Variants in PRKAG2 observed in about 807,000 individuals in gnomAD.
The protein encoded by PRKAG2 is protein kinase AMP-activated non-catalytic subunit gamma 2.
PRKAG2 carries 26 observed loss-of-function variants against 69.6 expected under a neutral mutation model. The observed-to-expected ratio is 0.37, with a 90% CI of 0.27 to 0.52. The LOEUF is 0.52. Among genes scored for constraint, PRKAG2 ranks in the 20% least tolerant of loss-of-function variants. The pLI is 0.90. For missense variants in PRKAG2, 557 were observed against 740.0 expected, an observed-to-expected ratio of 0.75 and a Z score of 2.87; for synonymous variants, 293 against 285.0, an observed-to-expected ratio of 1.03 and a Z score of -0.28.
At chr7:151,671,649 G>A (rs1362242962) in intron 4 of PRKAG2, among the ~76,000 whole-genome samples, 1 of 152,262 alleles carries the variant, frequency 6.6e-6, no homozygotes, top group East Asian at 1.9e-4. Flanking sequence ...CCTGGTACCT[G>A]TGACTGCAAC....
chr7:151,698,141 C>T lies in PRKAG2; in HGVS notation c.467-22504G>A, dbSNP rs116303533. ...CACCTCAACCCTGCCTGAGAGTTTCCTCTGGTGCCCAGGAGCTCCCTCGGG... is the reference window on the plus strand; with the variant it reads ...CACCTCAACCCTGCCTGAGAGTTTCTTCTGGTGCCCAGGAGCTCCCTCGGG... On this transcript the variant is annotated intron_variant, in intron 3 of 15. Transcript: ENST00000287878. Among the ~76,000 whole-genome samples, 296 of 152,278 alleles carry T rather than the reference C, an allele frequency of 1.9e-3. 3 individuals carry two copies. Among genetic ancestry groups the T allele is most frequent in the African/African-American group, 6.9e-3 (285 of 41,550 alleles).
rs1490350488 is a variant in PRKAG2 at position 151,711,105 on chromosome 7, ACTAGGCTGAGAGTGCTGAGTG to A, written c.467-35489_467-35469del. On this transcript the variant is annotated intron_variant, in intron 3 of 15. Coordinates refer to ENST00000287878, the MANE Select transcript of PRKAG2 (RefSeq NM_016203.4). ...GTGCTAGGCCTAGAGTATCAACAGT[ACTAGGCTGAGAGTGCTGAGTG>A]CTAGGCTGAGAGTACTAAACAGTGC... Among the ~76,000 whole-genome samples, 8 of 151,926 alleles carry A rather than the reference ACTAGGCTGAGAGTGCTGAGTG, an allele frequency of 5.3e-5. No individual in the cohort carries two copies. In the East Asian group the frequency reaches 1.4e-3, roughly 26 times the overall value.
chr7:151,591,154 C>T (rs1343415808), intron 6 of PRKAG2, among the ~76,000 whole-genome samples: 1 of 152,268 alleles, frequency 6.6e-6, no homozygotes, highest in Non-Finnish European at 1.5e-5. Context: ...GAACTTGTCA[C>T]TGCAGCAGCT....
intron 3 of PRKAG2, chr7:151,736,072 G>A (rs1799749330): frequency 1.3e-5 from 20 of 1,529,040 alleles, no homozygotes; most frequent in South Asian, 4.8e-5. Context: ...AGGTGGCCGG[G>A]AGCCAGAGGA....
chr7:151,665,872 C>T (rs917714132), intron 4 of PRKAG2, among the ~76,000 whole-genome samples: 7 of 152,142 alleles, frequency 4.6e-5, no homozygotes, highest in Non-Finnish European at 1.0e-4. Flanking sequence ...TTTTAAGTGC[C>T]TTTCTATCTT....
intron 3 of PRKAG2, among the ~76,000 whole-genome samples, chr7:151,740,142 T>G (rs1465813430): frequency 1.3e-5 from 2 of 152,216 alleles, no homozygotes; most frequent in African/African-American, 4.8e-5. Context: ...CCCTGCTCCC[T>G]GATGGAGCCG....
In PRKAG2 at chr7:151,564,294, C is replaced by T. The variant is rs1478383468; in HGVS notation, c.1438-70G>A. On this transcript the variant is annotated intron_variant, in intron 13 of 15. Transcript: ENST00000287878. Reference sequence around the variant, plus strand: ...CACTTCAATGACCAAAATTAGTGAGCTTAAGAGAGCCTGATTTCTAAAAAC... The same window carrying T: ...CACTTCAATGACCAAAATTAGTGAGTTTAAGAGAGCCTGATTTCTAAAAAC... 3.3e-6 allele frequency: 5 copies of T among 1,536,256 alleles called. No homozygotes were observed. The African/African-American group carries it at 6.8e-5, about 21-fold the overall frequency.
chr7:151,861,526 TC>T (rs143791911), intron 1 of PRKAG2, among the ~76,000 whole-genome samples: 17,305 of 50,736 alleles, frequency 0.34, 1,964 homozygotes, highest in Middle Eastern at 0.47. Flanking sequence ...AGACTCTGTC[TC>T]CAAAAAAAAA....
intron 4 of PRKAG2, among the ~76,000 whole-genome samples, chr7:151,663,647 A>C (rs1380541138): frequency 6.6e-6 from 1 of 152,236 alleles, no homozygotes; most frequent in African/African-American, 2.4e-5. Context: ...GGCGTAAGCC[A>C]CCACGTCTGG....
intron 4 of PRKAG2, among the ~76,000 whole-genome samples, chr7:151,655,393 A>C (rs6950281): frequency 0.3 from 46,030 of 151,866 alleles, 7,006 homozygotes; most frequent in Middle Eastern, 0.39. Flanking sequence ...ATGCAGAATC[A>C]CCTGTGTGTG....
At chr7:151,665,133 A>G (rs1271360892) in intron 4 of PRKAG2, among the ~76,000 whole-genome samples, 1 of 152,124 alleles carries the variant, frequency 6.6e-6, no homozygotes, top group Non-Finnish European at 1.5e-5. Flanking sequence ...TTCTGCTTCT[A>G]CAGGATGCAC....
chr7:151,636,205 A>T (rs896684471), intron 4 of PRKAG2, among the ~76,000 whole-genome samples: 1 of 152,176 alleles, frequency 6.6e-6, no homozygotes, highest in Non-Finnish European at 1.5e-5. Flanking sequence ...TCACCCATTT[A>T]AAGTGTGCAG....
chr7:151,816,531 G>A (rs1200872387), intron 1 of PRKAG2, among the ~76,000 whole-genome samples: 1 of 152,188 alleles, frequency 6.6e-6, no homozygotes, highest in Non-Finnish European at 1.5e-5. Flanking sequence ...GGCTGCTGTT[G>A]GGATCATGGA....
chr7:151,839,031 AT>A (rs537190272), intron 1 of PRKAG2, among the ~76,000 whole-genome samples: 10,900 of 93,842 alleles, frequency 0.12, 679 homozygotes, highest in East Asian at 0.33. Flanking sequence ...AAAAAAAAAA[AT>A]AGAAAAGGGG....
At chr7:151,732,513 T>C (rs1799117844) in intron 3 of PRKAG2, among the ~76,000 whole-genome samples, 1 of 152,206 alleles carries the variant, frequency 6.6e-6, no homozygotes, top group African/African-American at 2.4e-5. Context: ...CACAAAACCC[T>C]GAAGCAATCC....
intron 5 of PRKAG2, among the ~76,000 whole-genome samples, chr7:151,630,458 G>A: frequency 6.6e-6 from 1 of 152,192 alleles, no homozygotes; most frequent in Non-Finnish European, 1.5e-5. Context: ...GGTTTACACT[G>A]TTTTTAAATG....
chr7:151,737,359 AG>A (rs1306327663), intron 3 of PRKAG2, among the ~76,000 whole-genome samples: 10 of 147,710 alleles, frequency 6.8e-5, no homozygotes, highest in African/African-American at 2.6e-4. Context: ...AAAAAAAAAG[AG>A]AGATTTAGCC....
At chr7:151,812,681 CT>C (rs1157918557) in intron 1 of PRKAG2, among the ~76,000 whole-genome samples, 3 of 152,204 alleles carry the variant, frequency 2.0e-5, no homozygotes. Flanking sequence ...GAAGACCAGG[CT>C]TAGGGACTGG....
At chr7:151,631,560 T>C in intron 5 of PRKAG2, 1 of 385,320 alleles carries the variant, frequency 2.6e-6, no homozygotes. Flanking sequence ...GAGGGTCGCC[T>C]GAACTCAACA....
Sources: gnomAD v4.1 joint callset for allele counts (sites outside exome capture counted in the v4.1 genomes callset) on GRCh38, gnomAD v4.1.1 for gene constraint, MANE v1.5 for transcripts, NCBI Gene and HGNC (gene_info 2026-07-23, HGNC 2026-07-21) for gene names.